Variants in IPMK observed in about 807,000 individuals in gnomAD.
IPMK encodes inositol polyphosphate multikinase.
In IPMK, 17 loss-of-function variants were observed where a neutral mutation model predicts 45.8. The observed-to-expected ratio is 0.37, with a 90% confidence interval of 0.25 to 0.56. IPMK has a LOEUF of 0.56. Ranked by LOEUF, IPMK falls within the 20% of genes least tolerant of loss-of-function variation. The pLI, the probability that IPMK is intolerant of heterozygous loss-of-function variation, is 0.79. For synonymous variants in IPMK, 180 were observed against 184.3 expected (o/e 0.98, Z 0.19); for missense variants, 399 against 498.0 (o/e 0.80, Z 1.89).
At chr10:58,197,484 A>C (rs1291715224) in intron 5 of IPMK, among the ~76,000 whole-genome samples, 1 of 150,582 alleles carries the variant, frequency 6.6e-6, no homozygotes, top group Non-Finnish European at 1.5e-5. Context: ...CCTCGTCTCT[A>C]CTAAAAACAC....
intron 3 of IPMK, among the ~76,000 whole-genome samples, chr10:58,219,596 CA>C (rs1306095256): frequency 6.6e-6 from 1 of 152,210 alleles, no homozygotes; most frequent in Non-Finnish European, 1.5e-5. Flanking sequence ...TCTGGATTAA[CA>C]AAGGACACCT....
rs373075399 is a variant in IPMK at position 58,227,055 on chromosome 10, T to A, written c.361A>T (p.Thr121Ser). ...PKYYGIWSPPTAPNDLYLKLE... is the reference protein window; with the variant it reads ...PKYYGIWSPPSAPNDLYLKLE... ...ATGACAAGATTACCGTTTGGTGCAG[T>A]GGGAGGTGACCAGATGCCATAATAT... Residue 121 changes from threonine (T) to serine (S), a missense_variant, in exon 3 of 6, where the codon ACT (threonine) becomes TCT (serine). This residue lies in a region of IPMK where 288 missense variants were observed against 398.0 expected (regional missense o/e 0.72). Coordinates refer to ENST00000373935, the MANE Select transcript of IPMK (RefSeq NM_152230.5). The A allele has an allele frequency of 8.1e-6, 13 of 1,607,952 alleles. No homozygotes were observed. The highest frequency in any genetic ancestry group is 1.1e-5 in the Non-Finnish European group (13 of 1,174,910).
Position 58,257,721 on chromosome 10 carries a change from T to C in IPMK, c.190+9701A>G, listed in dbSNP as rs186591520. On this transcript the variant is annotated intron_variant, in intron 1 of 5. Coordinates refer to ENST00000373935, the MANE Select transcript of IPMK (RefSeq NM_152230.5). ...CACAGATGAGTTAAAAGTGAAAGAA[T>C]GGAAAAGATGCATCATGCAATTATT... Among the ~76,000 whole-genome samples, 17 of 152,070 alleles carry C rather than the reference T, an allele frequency of 1.1e-4. No individual in the cohort carries two copies. In the East Asian group the frequency reaches 3.1e-3, roughly 28 times the overall value.
intron 5 of IPMK, among the ~76,000 whole-genome samples, chr10:58,198,056 A>C (rs1254045288): frequency 6.6e-6 from 1 of 152,168 alleles, no homozygotes; most frequent in South Asian, 2.1e-4. Context: ...AAAACAAAAA[A>C]CAAAAACTTG....
chr10:58,251,494 G>A (rs2132174428), intron 1 of IPMK, among the ~76,000 whole-genome samples: 1 of 152,038 alleles, frequency 6.6e-6, no homozygotes, highest in East Asian at 1.9e-4. Flanking sequence ...TGTCTGTTGG[G>A]TCCATTTGGC....
At chr10:58,213,604 A>G (rs1171750149) in intron 4 of IPMK, among the ~76,000 whole-genome samples, 1 of 151,992 alleles carries the variant, frequency 6.6e-6, no homozygotes, top group Admixed American at 6.6e-5. Context: ...GGAGAATGGC[A>G]TGAAGCCAGG....
chr10:58,241,901 C>G (rs1005132283), intron 1 of IPMK, among the ~76,000 whole-genome samples: 1 of 151,750 alleles, frequency 6.6e-6, no homozygotes, highest in African/African-American at 2.4e-5. Context: ...ATAACAGAAA[C>G]CAACTATAAC....
chr10:58,230,261 A>T (rs570350292), intron 2 of IPMK, among the ~76,000 whole-genome samples: 3 of 152,332 alleles, frequency 2.0e-5, no homozygotes, highest in African/African-American at 7.2e-5. Flanking sequence ...ACTTCTGCAG[A>T]CTTAAACGTC....
chr10:58,227,185 T>TAAG, intron 2 of IPMK, 46 bp from the exon 3 acceptor site: 5 of 1,315,428 alleles, frequency 3.8e-6, no homozygotes, highest in Non-Finnish European at 5.5e-6. Context: ...CAATGCTTTG[T>TAAG]AACTGCCCTG....
At chr10:58,223,954 C>T (rs917014426) in intron 3 of IPMK, among the ~76,000 whole-genome samples, 2 of 152,114 alleles carry the variant, frequency 1.3e-5, no homozygotes, top group Admixed American at 6.5e-5. Flanking sequence ...AACTGTGAGT[C>T]GATTAAACCT....
At chr10:58,234,519 C>T (rs1377683605) in intron 2 of IPMK, among the ~76,000 whole-genome samples, 2 of 152,202 alleles carry the variant, frequency 1.3e-5, no homozygotes, top group African/African-American at 4.8e-5. Flanking sequence ...CACACATCCA[C>T]AACCATCTGA....
At chr10:58,214,229 T>C (rs1315632719) in intron 4 of IPMK, among the ~76,000 whole-genome samples, 1 of 152,222 alleles carries the variant, frequency 6.6e-6, no homozygotes. Flanking sequence ...ACAGAGGAAC[T>C]GTCCTTAGAT....
Position 58,214,935 on chromosome 10 carries a change from G to A in IPMK, c.546+1210C>T, listed in dbSNP as rs190955064. Among the ~76,000 whole-genome samples, 259 of 152,194 alleles carry A rather than the reference G, an allele frequency of 1.7e-3. 1 individual carries two copies. Among genetic ancestry groups the A allele is most frequent in the Non-Finnish European group, 2.1e-3 (142 of 68,018 alleles). ...CTGTGACTTTGCCTTTCCTACCATC[G>A]GAGGTGGAGTCTGTTTTCTCGCCCC... On this transcript the variant is annotated intron_variant, in intron 4 of 5. Transcript: ENST00000373935.
chr10:58,204,244 T>C (rs1227935361), intron 4 of IPMK, among the ~76,000 whole-genome samples: 3 of 152,126 alleles, frequency 2.0e-5, no homozygotes, highest in Middle Eastern at 3.4e-3. Flanking sequence ...ATATTTGTAA[T>C]AAAAGTTAAC....
At chr10:58,253,289 A>T (rs1838912181) in intron 1 of IPMK, among the ~76,000 whole-genome samples, 1 of 152,184 alleles carries the variant, frequency 6.6e-6, no homozygotes, top group South Asian at 2.1e-4. Flanking sequence ...TCCTTCCTTT[A>T]TAAATTATCC....
Position 58,260,488 on chromosome 10 carries a change from G to A in IPMK, c.190+6934C>T, listed in dbSNP as rs567141007. 3.7e-3 allele frequency among the ~76,000 whole-genome samples: 569 copies of A among 152,226 alleles called. 3 individuals are homozygous for A. The highest frequency in any genetic ancestry group is 0.013 in the African/African-American group (526 of 41,532). On this transcript the variant is annotated intron_variant, in intron 1 of 5. Transcript: ENST00000373935. ...ATACACAATTATTTAGAGAAAAGGG[G>A]TCATGATGTCTAAAATTTATTCTTA...
At chr10:58,260,340 C>G (rs1839044735) in intron 1 of IPMK, among the ~76,000 whole-genome samples, 1 of 152,098 alleles carries the variant, frequency 6.6e-6, no homozygotes, top group African/African-American at 2.4e-5. Context: ...ATGTGTGATC[C>G]TGGATGAAGG....
At chr10:58,260,815 G>C (rs762783672) in intron 1 of IPMK, among the ~76,000 whole-genome samples, 12 of 152,200 alleles carry the variant, frequency 7.9e-5, no homozygotes, top group Non-Finnish European at 1.2e-4. Context: ...AGTATTGGAA[G>C]ACTCAATATT....
Position 58,216,132 on chromosome 10 carries a change from T to A in IPMK, c.546+13A>T. ...CAGAGAAATGTGCATATTATACTAA[T>A]AAGCACTCTTACCCTCATGCCAAGC... is the stretch of plus-strand genomic sequence containing the variant. On this transcript the variant is annotated intron_variant, in intron 4 of 5. Transcript: ENST00000373935. The A allele has an allele frequency of 6.4e-7, 1 of 1,562,096 alleles. No individual in the cohort carries two copies. The highest frequency in any genetic ancestry group is 8.7e-7 in the Non-Finnish European group (1 of 1,154,930).
Sources: allele counts gnomAD v4.1 joint callset (sites outside exome capture counted in the v4.1 genomes callset), GRCh38; gene constraint gnomAD v4.1.1; regional missense constraint gnomAD v4.1.1; transcripts MANE v1.5; gene names NCBI Gene and HGNC (gene_info 2026-07-23, HGNC 2026-07-21).